HPSE2: variants seen among roughly 807,000 people sequenced by gnomAD.
HPSE2 encodes inactive heparanase-2.
A neutral mutation model predicts 60.5 loss-of-function variants in HPSE2; 38 were observed. That is an observed-to-expected ratio of 0.63 (90% CI 0.48 to 0.82). The LOEUF (loss-of-function observed/expected upper bound fraction) is 0.82, where lower values mean the gene tolerates loss of function less well. Among genes scored for constraint, HPSE2 ranks in the 40% least tolerant of loss-of-function variants. HPSE2 has a pLI of 0.00. For synonymous variants in HPSE2, 295 were observed against 293.2 expected, an observed-to-expected ratio of 1.01 and a Z score of -0.06; for missense variants, 713 against 740.4, an observed-to-expected ratio of 0.96 and a Z score of 0.43.
intron 3 of HPSE2, among the ~76,000 whole-genome samples, chr10:98,847,518 T>C (rs1453905636): frequency 6.6e-6 from 1 of 152,238 alleles, no homozygotes; most frequent in Non-Finnish European, 1.5e-5. Flanking sequence ...GGCTATTGTA[T>C]TTTACTTTAT....
chr10:99,197,302 T>C, intron 2 of HPSE2, among the ~76,000 whole-genome samples: 1 of 152,126 alleles, frequency 6.6e-6, no homozygotes, highest in East Asian at 1.9e-4. Context: ...AGACCTACTG[T>C]TGGCTAGCAC....
chr10:98,893,410 T>C (rs1392305921), intron 3 of HPSE2, among the ~76,000 whole-genome samples: 8 of 152,124 alleles, frequency 5.3e-5, no homozygotes, highest in Non-Finnish European at 1.5e-5. Context: ...GCTAACTAAC[T>C]GGTACACAGT....
chr10:98,657,965 CA>C (rs1398512663), intron 6 of HPSE2, among the ~76,000 whole-genome samples: 1 of 152,112 alleles, frequency 6.6e-6, no homozygotes, highest in East Asian at 1.9e-4. Flanking sequence ...TCGCAGATAA[CA>C]AACTTAAGGG....
intron 3 of HPSE2, among the ~76,000 whole-genome samples, chr10:98,855,535 T>C (rs1017421757): frequency 2.0e-5 from 3 of 152,048 alleles, no homozygotes; most frequent in Admixed American, 6.5e-5. Context: ...CCTATGACTC[T>C]CAGGGCACAG....
intron 3 of HPSE2, among the ~76,000 whole-genome samples, chr10:99,077,850 G>A (rs1260203708): frequency 2.0e-5 from 3 of 152,084 alleles, no homozygotes; most frequent in Non-Finnish European, 4.4e-5. Context: ...CAAATCTCAT[G>A]TTGAAATGAA....
intron 11 of HPSE2, among the ~76,000 whole-genome samples, chr10:98,473,508 G>A (rs1453475455): frequency 5.8e-5 from 7 of 120,804 alleles, no homozygotes; most frequent in Admixed American, 7.9e-5. Context: ...AAAAAAAGAA[G>A]GCAGAAAAAG....
At chr10:99,110,459 A>T in intron 3 of HPSE2, among the ~76,000 whole-genome samples, 1 of 152,204 alleles carries the variant, frequency 6.6e-6, no homozygotes, top group Non-Finnish European at 1.5e-5. Context: ...ACTTGAATGC[A>T]CTGGAAAGGA....
Position 98,491,445 on chromosome 10 carries a change from T to C in HPSE2, c.1321-1249A>G, listed in dbSNP as rs920337984. Among the ~76,000 whole-genome samples, 3 of 152,288 alleles carry C rather than the reference T, an allele frequency of 2.0e-5. No homozygotes were observed. The South Asian group carries it at 6.2e-4, about 32-fold the overall frequency. ...AAAGGCAAATAATCATTATCAATTA[T>C]ATAGATGGAAAAAGTGTTGTGGGTT... is the stretch of plus-strand genomic sequence containing the variant. On this transcript the variant is annotated intron_variant, in intron 9 of 11. Coordinates refer to ENST00000370552, the MANE Select transcript of HPSE2 (RefSeq NM_021828.5).
At chr10:98,876,610 T>C (rs559218229) in intron 3 of HPSE2, among the ~76,000 whole-genome samples, 1 of 152,036 alleles carries the variant, frequency 6.6e-6, no homozygotes, top group East Asian at 1.9e-4. Flanking sequence ...AGCCATCCCA[T>C]AGCCTAACTC....
At chr10:98,855,320 G>A (rs527552324) in intron 3 of HPSE2, among the ~76,000 whole-genome samples, 1 of 152,110 alleles carries the variant, frequency 6.6e-6, no homozygotes, top group African/African-American at 2.4e-5. Flanking sequence ...AAAATGATTG[G>A]GTGTGTGGGG....
At chr10:98,508,047 A>T (rs575621067) in intron 9 of HPSE2, among the ~76,000 whole-genome samples, 1 of 152,204 alleles carries the variant, frequency 6.6e-6, no homozygotes. Flanking sequence ...AGGAAGGCAA[A>T]TACAATGTTT....
At chr10:98,548,056 G>T (rs1943747467) in intron 9 of HPSE2, among the ~76,000 whole-genome samples, 1 of 152,096 alleles carries the variant, frequency 6.6e-6, no homozygotes, top group Non-Finnish European at 1.5e-5. Context: ...ACAACACATA[G>T]TCCTTGTCTT....
rs565584627 is a variant in HPSE2 at position 99,116,832 on chromosome 10, C to T, written c.610+27406G>A. Among the ~76,000 whole-genome samples, 26 of 152,244 alleles carry T rather than the reference C, an allele frequency of 1.7e-4. No individual in the cohort carries two copies. The South Asian group carries it at 5.2e-3, about 30-fold the overall frequency. ...TAGGGGCTGCAGGAGAGGATAAACG[C>T]ATTGCCTTGCCACCTAGAATGCAGG... On this transcript the variant is annotated intron_variant, in intron 3 of 11. Coordinates refer to ENST00000370552, the MANE Select transcript of HPSE2 (RefSeq NM_021828.5).
chr10:98,620,229 T>C lies in HPSE2; in HGVS notation c.1205+373A>G, dbSNP rs376088733. ...TATCCCAGTTCCATCAATCATATTT[T>C]TTTCTGGAGGGAAAAAACCATGCCT... On this transcript the variant is annotated intron_variant, in intron 8 of 11. Coordinates refer to ENST00000370552, the MANE Select transcript of HPSE2 (RefSeq NM_021828.5). Among the ~76,000 whole-genome samples the C allele has an allele frequency of 2.0e-5, 3 of 152,308 alleles. No homozygotes were observed. The South Asian group carries it at 6.2e-4, about 32-fold the overall frequency.
intron 2 of HPSE2, among the ~76,000 whole-genome samples, chr10:99,195,207 G>C (rs1848352323): frequency 1.3e-5 from 2 of 152,094 alleles, no homozygotes; most frequent in African/African-American, 4.8e-5. Flanking sequence ...CAAATAACTA[G>C]GTATATAAGG....
At chr10:99,040,898 A>G (rs191386420) in intron 3 of HPSE2, among the ~76,000 whole-genome samples, 93 of 152,136 alleles carry the variant, frequency 6.1e-4, no homozygotes, top group Middle Eastern at 3.4e-3. Flanking sequence ...CATCCTGGCT[A>G]ACACAGTGAA....
intron 3 of HPSE2, among the ~76,000 whole-genome samples, chr10:99,093,697 C>T (rs1364003904): frequency 3.9e-5 from 6 of 152,206 alleles, no homozygotes; most frequent in African/African-American, 1.4e-4. Flanking sequence ...AAGGATGGAA[C>T]TCTCATGAAC....
intron 3 of HPSE2, among the ~76,000 whole-genome samples, chr10:99,069,496 G>A (rs1351077618): frequency 6.6e-6 from 1 of 151,354 alleles, no homozygotes; most frequent in Non-Finnish European, 1.5e-5. Context: ...TACATCTATG[G>A]AAAAGAAGTG....
chr10:98,811,639 C>G (rs1951171318), intron 3 of HPSE2, among the ~76,000 whole-genome samples: 1 of 151,958 alleles, frequency 6.6e-6, no homozygotes, highest in Non-Finnish European at 1.5e-5. Flanking sequence ...TCTTTATATG[C>G]AATTATCTCA....
Sources: gnomAD v4.1 joint callset for allele counts (sites outside exome capture counted in the v4.1 genomes callset) on GRCh38, gnomAD v4.1.1 for gene constraint, MANE v1.5 for transcripts, NCBI Gene and HGNC (gene_info 2026-07-23, HGNC 2026-07-21) for gene names.